NEGR1: variants seen among roughly 807,000 people sequenced by gnomAD.
NEGR1 encodes IgLON family member 4.
In NEGR1, 10 loss-of-function variants were observed where a neutral mutation model predicts 40.9. The observed-to-expected ratio is 0.24, with a 90% CI of 0.15 to 0.42. The LOEUF (loss-of-function observed/expected upper bound fraction) is 0.42. Among genes scored for constraint, NEGR1 ranks in the 10% least tolerant of loss-of-function variants. The pLI, the probability that NEGR1 is intolerant of heterozygous loss-of-function variation, is 1.00. For missense variants in NEGR1, 352 were observed against 438.9 expected (o/e 0.80, Z 1.77); for synonymous variants, 185 against 166.8 (o/e 1.11, Z -0.84).
chr1:72,278,255 C>A (rs1412959767), intron 1 of NEGR1, among the ~76,000 whole-genome samples: 1 of 152,018 alleles, frequency 6.6e-6, no homozygotes, highest in Non-Finnish European at 1.5e-5. Flanking sequence ...AAGAATCTTT[C>A]TTCCTTTCTT....
intron 3 of NEGR1, among the ~76,000 whole-genome samples, chr1:71,734,024 C>T (rs938984624): frequency 6.6e-6 from 1 of 152,112 alleles, no homozygotes; most frequent in African/African-American, 2.4e-5. Context: ...ATAAAAGACC[C>T]CAGGCTTCCT....
intron 6 of NEGR1, among the ~76,000 whole-genome samples, chr1:71,572,678 G>C (rs1295302232): frequency 6.6e-6 from 1 of 152,098 alleles, no homozygotes; most frequent in South Asian, 2.1e-4. Flanking sequence ...ATGTGTTCAA[G>C]TTTATTTTGC....
intron 5 of NEGR1, among the ~76,000 whole-genome samples, chr1:71,596,216 C>T (rs1649709078): frequency 6.6e-6 from 1 of 152,202 alleles, no homozygotes; most frequent in Non-Finnish European, 1.5e-5. Context: ...CCTTCTATTT[C>T]TGTGGACCCT....
chr1:72,158,811 C>T (rs1285195881), intron 1 of NEGR1, among the ~76,000 whole-genome samples: 1 of 151,918 alleles, frequency 6.6e-6, no homozygotes, highest in Admixed American at 6.6e-5. Flanking sequence ...TCTAGTGATC[C>T]AAGGCCATTA....
intron 6 of NEGR1, among the ~76,000 whole-genome samples, chr1:71,441,164 A>T (rs538497440): frequency 6.6e-6 from 1 of 152,240 alleles, no homozygotes. Context: ...ATGTGTGGCC[A>T]TGTGGTGAAT....
chr1:71,468,447 G>C (rs757955726), intron 6 of NEGR1: 3 of 151,956 alleles, frequency 2.0e-5, no homozygotes, highest in Admixed American at 6.6e-5. Flanking sequence ...TAATGATGGA[G>C]CTTGTAAAGT....
chr1:72,113,378 T>C (rs959012058), intron 1 of NEGR1, among the ~76,000 whole-genome samples: 1 of 151,666 alleles, frequency 6.6e-6, no homozygotes. Context: ...ACACCTGAGA[T>C]TGTATTATAG....
chr1:71,493,627 C>T (rs1646943821), intron 6 of NEGR1, among the ~76,000 whole-genome samples: 1 of 152,204 alleles, frequency 6.6e-6, no homozygotes, highest in Admixed American at 6.6e-5. Context: ...TCTTGATTGC[C>T]CTCCTATTGG....
chr1:71,700,254 G>A (rs1653643063), intron 3 of NEGR1, among the ~76,000 whole-genome samples: 1 of 151,856 alleles, frequency 6.6e-6, no homozygotes, highest in African/African-American at 2.4e-5. Flanking sequence ...CATAGAATAA[G>A]ATTATGATAG....
intron 6 of NEGR1, among the ~76,000 whole-genome samples, chr1:71,488,841 A>T (rs962860281): frequency 6.6e-5 from 10 of 151,720 alleles, no homozygotes; most frequent in African/African-American, 2.4e-4. Context: ...ATAAAACTAG[A>T]GGTTTTTCTT....
chr1:72,251,594 A>G (rs535914341), intron 1 of NEGR1, among the ~76,000 whole-genome samples: 2 of 152,168 alleles, frequency 1.3e-5, no homozygotes, highest in Non-Finnish European at 2.9e-5. Flanking sequence ...TAGATTTCTT[A>G]TAATACCTAA....
intron 3 of NEGR1, among the ~76,000 whole-genome samples, chr1:71,731,904 C>A (rs1001685996): frequency 2.0e-5 from 3 of 152,174 alleles, no homozygotes; most frequent in African/African-American, 7.2e-5. Context: ...AGGGGAGAGT[C>A]AATTTAGCAT....
At chr1:72,086,957 T>TA (rs1030537288) in intron 1 of NEGR1, among the ~76,000 whole-genome samples, 2 of 152,088 alleles carry the variant, frequency 1.3e-5, no homozygotes, top group African/African-American at 4.8e-5. Context: ...ATAGAGTGAT[T>TA]AAAAAAACAC....
At chr1:71,688,331 T>TAGAG (rs1355800815) in intron 4 of NEGR1, among the ~76,000 whole-genome samples, 1 of 85,874 alleles carries the variant, frequency 1.2e-5, no homozygotes, top group Non-Finnish European at 2.4e-5. Context: ...TATATATAGA[T>TAGAG]AGATAGATAG....
intron 1 of NEGR1, among the ~76,000 whole-genome samples, chr1:72,121,861 T>C (rs1335322229): frequency 6.6e-6 from 1 of 152,050 alleles, no homozygotes; most frequent in African/African-American, 2.4e-5. Context: ...CTGATCATCT[T>C]TTTTTAAATT....
intron 2 of NEGR1, among the ~76,000 whole-genome samples, chr1:71,807,752 T>C (rs1657831468): frequency 1.3e-5 from 2 of 152,190 alleles, no homozygotes; most frequent in African/African-American, 2.4e-5. Flanking sequence ...AAGTTTATTC[T>C]TACTTCCTAC....
intron 6 of NEGR1, among the ~76,000 whole-genome samples, chr1:71,542,422 A>C (rs1647744048): frequency 1.3e-5 from 2 of 151,748 alleles, no homozygotes; most frequent in South Asian, 4.1e-4. Flanking sequence ...TGAGAATATG[A>C]GATGTTGACA....
intron 3 of NEGR1, among the ~76,000 whole-genome samples, chr1:71,756,207 C>T (rs1322249640): frequency 2.6e-5 from 4 of 152,012 alleles, no homozygotes; most frequent in African/African-American, 9.7e-5. Flanking sequence ...GCCATTGTTC[C>T]TCTTCACTTC....
At chr1:71,928,061 C>T (rs12083157) in intron 2 of NEGR1, among the ~76,000 whole-genome samples, 21,188 of 53,574 alleles carry the variant, frequency 0.4, 5,080 homozygotes, top group East Asian at 0.62. Flanking sequence ...TATATATATA[C>T]ACACACACAT....
Sources: gnomAD v4.1 joint callset for allele counts (sites outside exome capture counted in the v4.1 genomes callset) on GRCh38, gnomAD v4.1.1 for gene constraint, MANE v1.5 for transcripts, NCBI Gene and HGNC (gene_info 2026-07-23, HGNC 2026-07-21) for gene names.